Variants in SRGAP1 observed in about 807,000 individuals in gnomAD.
The protein encoded by SRGAP1 is SLIT-ROBO Rho GTPase activating protein 1.
In SRGAP1, 43 loss-of-function variants were observed where a neutral mutation model predicts 121.9. That is an observed-to-expected ratio of 0.35 (90% confidence interval 0.28 to 0.46). SRGAP1 has a LOEUF of 0.46. Ranked by LOEUF, SRGAP1 falls within the 20% of genes least tolerant of loss-of-function variation. The pLI, the probability that SRGAP1 is intolerant of heterozygous loss-of-function variation, is 1.00. For missense variants in SRGAP1, 1,102 were observed against 1,350.9 expected, an observed-to-expected ratio of 0.82 and a Z score of 2.89; for synonymous variants, 447 against 485.4, an observed-to-expected ratio of 0.92 and a Z score of 1.04.
rs1372906182 is a variant in SRGAP1 at position 64,148,305 on chromosome 12, C to T, written c.*5633C>T. On this transcript the variant is annotated 3_prime_UTR_variant, in exon 22 of 22. Transcript: ENST00000355086. ...TACTTTTTTTTTTTTTTTTTTGAGA[C>T]GAATCTCTCTGTGTCACCCAGGCTG... is the stretch of plus-strand genomic sequence containing the variant. 4.5e-5 allele frequency: 6 copies of T among 133,390 alleles called. No homozygotes were observed. Among genetic ancestry groups the T allele is most frequent in the Admixed American group, 8.1e-5 (1 of 12,358 alleles). 8.3% of individuals were successfully genotyped at this position (133,390 alleles called of 1,614,324 possible).
At chr12:63,993,548 T>C (rs1183563176) in intron 3 of SRGAP1, among the ~76,000 whole-genome samples, 2 of 152,224 alleles carry the variant, frequency 1.3e-5, no homozygotes, top group South Asian at 4.1e-4. Context: ...GTTTCAATAA[T>C]GTCCCCATGT....
At chr12:63,921,357 C>T (rs2031035414) in intron 1 of SRGAP1, among the ~76,000 whole-genome samples, 1 of 152,164 alleles carries the variant, frequency 6.6e-6, no homozygotes, top group African/African-American at 2.4e-5. Context: ...CCCTTCAAGA[C>T]TTCTTTATTG....
At chr12:64,013,895 G>A (rs1187032003) in intron 3 of SRGAP1, among the ~76,000 whole-genome samples, 1 of 152,160 alleles carries the variant, frequency 6.6e-6, no homozygotes, top group African/African-American at 2.4e-5. Context: ...GCAGTGGGGA[G>A]GGACATCAAA....
chr12:63,919,448 G>A (rs2030942484), intron 1 of SRGAP1, among the ~76,000 whole-genome samples: 1 of 144,744 alleles, frequency 6.9e-6, no homozygotes, highest in Admixed American at 6.8e-5. Flanking sequence ...GGGATTACAG[G>A]TGTAAGCCAC....
intron 1 of SRGAP1, among the ~76,000 whole-genome samples, chr12:63,860,755 T>C (rs1899416898): frequency 6.6e-6 from 1 of 152,174 alleles, no homozygotes; most frequent in South Asian, 2.1e-4. Flanking sequence ...TGATTTACTG[T>C]ATTGTATTTT....
chr12:63,992,233 GTC>G (rs1171463080), intron 3 of SRGAP1, among the ~76,000 whole-genome samples: 7 of 152,224 alleles, frequency 4.6e-5, no homozygotes, highest in Non-Finnish European at 1.0e-4. Context: ...TATTTTGTAA[GTC>G]AGAGTCAAGG....
intron 1 of SRGAP1, among the ~76,000 whole-genome samples, chr12:63,911,100 T>C (rs368113544): frequency 1.3e-4 from 20 of 151,888 alleles, no homozygotes; most frequent in African/African-American, 4.8e-4. Context: ...GAGATCGAGA[T>C]CATCCTGGCT....
In SRGAP1 at chr12:64,150,952, A is replaced by AG. The variant is rs1565704599; in HGVS notation, c.*8280_*8281insG. On this transcript the variant is annotated 3_prime_UTR_variant, in exon 22 of 22. Coordinates refer to ENST00000355086, the MANE Select transcript of SRGAP1 (RefSeq NM_020762.4). The stretch of plus-strand genomic sequence containing the variant: ...GCTATCTCAAAAAAAAAAAAAAAAA[A>AG]AAAAAAAACATGGTCAAGATTTGTA... 6.7e-6 allele frequency: 1 copy of AG among 148,642 alleles called. No individual in the cohort carries two copies. The highest frequency in any genetic ancestry group is 2.4e-5 in the African/African-American group (1 of 40,934). 9.2% of individuals were successfully genotyped at this position (148,642 alleles called of 1,614,324 possible).
chr12:63,930,352 A>G lies in SRGAP1; in HGVS notation c.68-53595A>G, dbSNP rs11175210. Among the ~76,000 whole-genome samples, 1,320 of 141,718 alleles carry G rather than the reference A, an allele frequency of 9.3e-3. 22 individuals are homozygous for G. Among genetic ancestry groups the G allele is most frequent in the Middle Eastern group, 0.033 (9 of 276 alleles). 93.0% of individuals were successfully genotyped at this position (141,718 alleles called of 152,430 possible). ...CTAAAAAAAAAAAAAAAAAAAAAAA[A>G]GGGGAGCCCTCTTTTTATTCAAATC... On this transcript the variant is annotated intron_variant, in intron 1 of 21. Transcript: ENST00000355086.
chr12:63,884,767 G>T (rs1288324793), intron 1 of SRGAP1, among the ~76,000 whole-genome samples: 6 of 148,022 alleles, frequency 4.1e-5, no homozygotes, highest in Non-Finnish European at 5.9e-5. Context: ...TGTCGCCCAG[G>T]CTGGAGTGAA....
rs2037042617 is a variant in SRGAP1, at chr12:64,145,800, C to G, written c.*3128C>G. The G allele has an allele frequency of 6.6e-6, 1 of 152,178 alleles. No homozygotes were observed. The highest frequency in any genetic ancestry group is 1.9e-4 in the East Asian group (1 of 5,174). The allele number at this position is 152,178 out of a possible 1,614,324, so 9.4% of individuals were successfully genotyped here. On this transcript the variant is annotated 3_prime_UTR_variant, in exon 22 of 22. Transcript: ENST00000355086. ...GCAGCACACAGGGGAGGTGGGAAGACACAGGGAAACGAGAGAAGAAGGATA... is the reference window on the plus strand; with the variant it reads ...GCAGCACACAGGGGAGGTGGGAAGAGACAGGGAAACGAGAGAAGAAGGATA...
At chr12:64,110,265 C>A (rs745847448) in intron 16 of SRGAP1, among the ~76,000 whole-genome samples, 1 of 152,156 alleles carries the variant, frequency 6.6e-6, no homozygotes, top group African/African-American at 2.4e-5. Context: ...CCTGACACAC[C>A]TGAACAAAAT....
chr12:63,944,857 C>G (rs1380764976), intron 1 of SRGAP1, among the ~76,000 whole-genome samples: 1 of 152,192 alleles, frequency 6.6e-6, no homozygotes, highest in African/African-American at 2.4e-5. Flanking sequence ...CAGTGAGGCA[C>G]AAAGTGCCCT....
intron 18 of SRGAP1, among the ~76,000 whole-genome samples, chr12:64,116,198 A>G (rs529609981): frequency 6.6e-6 from 1 of 150,680 alleles, no homozygotes; most frequent in East Asian, 2.0e-4. Context: ...CTGAGGCTAC[A>G]GTGAACTAGG....
intron 1 of SRGAP1, among the ~76,000 whole-genome samples, chr12:63,880,075 G>T (rs1321163433): frequency 6.6e-6 from 1 of 152,134 alleles, no homozygotes; most frequent in East Asian, 1.9e-4. Context: ...TGTTGTGATA[G>T]TGGAAAAGTC....
intron 1 of SRGAP1, among the ~76,000 whole-genome samples, chr12:63,981,922 G>C (rs1377017454): frequency 6.6e-6 from 1 of 152,006 alleles, no homozygotes; most frequent in African/African-American, 2.4e-5. Context: ...TAGAAGGATG[G>C]GAAGTGTTTG....
chr12:64,010,946 G>C lies in SRGAP1; in HGVS notation c.427-6004G>C, dbSNP rs184910281. 6.6e-5 allele frequency among the ~76,000 whole-genome samples: 10 copies of C among 151,612 alleles called. No individual in the cohort carries two copies. In the East Asian group the frequency reaches 1.9e-3, roughly 29 times the overall value. ...AATGTATTATAAAATCAAAAGGAAG[G>C]AAAGACCTAATCTCTTTCCTTGGGG... is the stretch of plus-strand genomic sequence containing the variant. On this transcript the variant is annotated intron_variant, in intron 3 of 21. Transcript: ENST00000355086.
intron 21 of SRGAP1, among the ~76,000 whole-genome samples, chr12:64,137,961 A>AAAAATATAT (rs372355390): frequency 1.3e-3 from 178 of 139,664 alleles, no homozygotes; most frequent in South Asian, 5.2e-3. Context: ...TTAAAAAAAA[A>AAAAATATAT]ATATATATAT....
At chr12:63,967,576 C>T (rs1296001912) in intron 1 of SRGAP1, among the ~76,000 whole-genome samples, 3 of 152,166 alleles carry the variant, frequency 2.0e-5, no homozygotes, top group Non-Finnish European at 2.9e-5. Context: ...AGTTGCCTGA[C>T]AAAAGCACAG....
Sources: gnomAD v4.1 joint callset for allele counts (sites outside exome capture counted in the v4.1 genomes callset) on GRCh38, gnomAD v4.1.1 for gene constraint, MANE v1.5 for transcripts, NCBI Gene and HGNC (gene_info 2026-07-23, HGNC 2026-07-21) for gene names.